The following SMIM7 variants were observed in gnomAD, a reference collection of about 807,000 sequenced individuals.
SMIM7 encodes the protein UPF0608 protein C19orf42.
In SMIM7, 12 loss-of-function variants were observed where a neutral mutation model predicts 13.3. That is an observed-to-expected ratio of 0.90 (90% confidence interval 0.58 to 1.46). The LOEUF is 1.46. Among genes scored for constraint, SMIM7 ranks in the 40% most tolerant of loss-of-function variants. SMIM7 has a pLI of 0.00. For missense variants in SMIM7, 114 were observed against 94.8 expected (o/e 1.20, Z -0.84); for synonymous variants, 36 against 35.8 (o/e 1.01, Z -0.02).
rs1269928026 is a variant in SMIM7 at position 16,660,002 on chromosome 19, T to G, written c.27-2A>C. ...GCCCCGGCATTCATCAGCAACGTCC[T>G]GCAGAGGGAGAATTACAGTTACTAG... On this transcript the variant is annotated splice_acceptor_variant, in intron 1 of 4. Coordinates refer to ENST00000487416, the MANE Select transcript of SMIM7 (RefSeq NM_024104.4). LOFTEE classifies it high-confidence loss of function. 6.2e-7 allele frequency: 1 copy of G among 1,613,972 alleles called. No individual in the cohort carries two copies. The highest frequency in any genetic ancestry group is 1.7e-5 in the Admixed American group (1 of 59,986).
intron 3 of SMIM7, among the ~76,000 whole-genome samples, chr19:16,655,927 C>T (rs1568307280): frequency 6.6e-6 from 1 of 152,160 alleles, no homozygotes; most frequent in African/African-American, 2.4e-5. Flanking sequence ...GGATTAGTCA[C>T]GTGCAGCACA....
intron 3 of SMIM7, among the ~76,000 whole-genome samples, chr19:16,657,959 CA>C (rs2086618334): frequency 6.6e-6 from 1 of 152,198 alleles, no homozygotes; most frequent in South Asian, 2.1e-4. Context: ...CTCTTGAACC[CA>C]GGAGCTCAAG....
rs2086455934 is a variant in SMIM7 at position 16,646,913 on chromosome 19, G to A, written c.*333C>T. On this transcript the variant is annotated 3_prime_UTR_variant, in exon 5 of 5. Transcript: ENST00000487416. ...AAATACGGCTGTGTTAAACTAACAAGCCAATCCTTCTGCTCAGATCTCTGG... is the reference window on the plus strand; with the variant it reads ...AAATACGGCTGTGTTAAACTAACAAACCAATCCTTCTGCTCAGATCTCTGG... 5.2e-6 allele frequency: 2 copies of A among 382,922 alleles called. No individual in the cohort carries two copies. The highest frequency in any genetic ancestry group is 6.5e-5 in the South Asian group (2 of 30,564). 23.7% of individuals were successfully genotyped at this position (382,922 alleles called of 1,614,324 possible). A position where few individuals can be genotyped will look rare whatever the true frequency, so the allele number is the denominator to read the frequency against.
At chr19:16,655,498 T>C in intron 3 of SMIM7, 1 of 442,182 alleles carries the variant, frequency 2.3e-6, no homozygotes, top group Non-Finnish European at 4.6e-6. Flanking sequence ...CTGGCCAACA[T>C]GGTGAAACCA....
Position 16,639,805 on chromosome 19 carries a change from C to T in SMIM7, c.*137+7291G>A, listed in dbSNP as rs187448325. 4.0e-3 allele frequency among the ~76,000 whole-genome samples: 614 copies of T among 152,278 alleles called. 5 individuals carry two copies. The highest frequency in any genetic ancestry group is 4.1e-3 in the Non-Finnish European group (281 of 68,020). On this transcript the variant is annotated intron_variant and NMD_transcript_variant, in intron 4 of 4. Transcript: ENST00000465250. The stretch of plus-strand genomic sequence containing the variant: ...CACTCAGCTCTCATTCTTCTCCTAC[C>T]TGCCACCATGGGTAGAAGGATATGT...
chr19:16,641,479 G>C (rs918328043), downstream of SMIM7: 1 of 151,838 alleles, frequency 6.6e-6, no homozygotes, highest in Non-Finnish European at 1.5e-5. Flanking sequence ...TGCATTTTTA[G>C]TAGAGACAGC....
At chr19:16,639,308 G>C (rs1384860998) in intron 4 of SMIM7, among the ~76,000 whole-genome samples, 13 of 151,896 alleles carry the variant, frequency 8.6e-5, no homozygotes. Context: ...ATTTTTAGTA[G>C]AGACGGGGTT....
chr19:16,645,256 T>C (rs545509618), downstream of SMIM7: 13 of 152,276 alleles, frequency 8.5e-5, no homozygotes, highest in Non-Finnish European at 1.0e-4. Context: ...AAAACCTCAA[T>C]GACAGGATTC....
chr19:16,659,736 AG>A, intron 2 of SMIM7: 1 of 667,114 alleles, frequency 1.5e-6, no homozygotes. Context: ...CTCTCCAGGA[AG>A]GTGAACAGAG....
At chr19:16,647,322 T>C in intron 4 of SMIM7, 61 bp from the exon 5 acceptor site, 1 of 1,593,946 alleles carries the variant, frequency 6.3e-7, no homozygotes. Flanking sequence ...CTAAAAATAT[T>C]GTCAGCGATT....
chr19:16,653,796 G>C (rs553670479), intron 4 of SMIM7: 1 of 488,638 alleles, frequency 2.0e-6, no homozygotes, highest in Non-Finnish European at 3.6e-6. Flanking sequence ...TCGGGAGGCT[G>C]AGGCAGGAGA....
At chr19:16,634,844 G>A (rs1233529819) in intron 4 of SMIM7, 2 of 149,338 alleles carry the variant, frequency 1.3e-5, no homozygotes, top group Admixed American at 1.3e-4. Context: ...AAAGACGTGC[G>A]TACATGTAAA....
At chr19:16,642,538 A>G (rs1366349307), downstream of SMIM7, among the ~76,000 whole-genome samples, 1 of 152,166 alleles carries the variant, frequency 6.6e-6, no homozygotes, top group Admixed American at 6.5e-5. Context: ...CGAGAGTGAG[A>G]CTGTCTCAAA....
At chr19:16,632,682 C>T (rs1211590406) in intron 4 of SMIM7, among the ~76,000 whole-genome samples, 2 of 151,898 alleles carry the variant, frequency 1.3e-5, no homozygotes, top group Non-Finnish European at 2.9e-5. Context: ...CAGTTGCATG[C>T]CACCATGCCC....
At chr19:16,639,757 G>C (rs974510448) in intron 4 of SMIM7, among the ~76,000 whole-genome samples, 2 of 152,124 alleles carry the variant, frequency 1.3e-5, no homozygotes, top group African/African-American at 4.8e-5. Context: ...GAGATCTGAT[G>C]TTTTTATAAG....
chr19:16,653,050 C>T, intron 4 of SMIM7: 1 of 1,433,440 alleles, frequency 7.0e-7, no homozygotes, highest in Non-Finnish European at 9.5e-7. Context: ...CAGGATCTGG[C>T]AGTGTGCTGG....
chr19:16,656,914 A>C (rs1309620588), intron 3 of SMIM7, among the ~76,000 whole-genome samples: 1 of 151,742 alleles, frequency 6.6e-6, no homozygotes, highest in Non-Finnish European at 1.5e-5. Flanking sequence ...AAAAAACAAC[A>C]AAAAAACAAA....
intron 3 of SMIM7, chr19:16,655,472 G>A (rs370229491): frequency 2.2e-6 from 1 of 450,670 alleles, no homozygotes; most frequent in East Asian, 7.0e-5. Flanking sequence ...CCTGAGGTCG[G>A]GAGTTCGAGA....
rs201974140 is a variant in SMIM7, at chr19:16,647,212, C to T, written c.*34G>A. On this transcript the variant is annotated 3_prime_UTR_variant, in exon 5 of 5. Transcript: ENST00000487416. ...ATGGAGGAATGGAGACTCGGCATCCCGGGAAAGTGAGTTCCTGGTTTCATC... is the reference window on the plus strand; with the variant it reads ...ATGGAGGAATGGAGACTCGGCATCCTGGGAAAGTGAGTTCCTGGTTTCATC... 32 of 1,613,640 alleles carry T rather than the reference C, an allele frequency of 2.0e-5. No individual in the cohort carries two copies. The Admixed American group carries it at 2.3e-4, about 12-fold the overall frequency.
Sources: gnomAD v4.1 joint callset for allele counts (sites outside exome capture counted in the v4.1 genomes callset) on GRCh38, gnomAD v4.1.1 for gene constraint, MANE v1.5 for transcripts, NCBI Gene and HGNC (gene_info 2026-07-23, HGNC 2026-07-21) for gene names.